The following PDE2A variants were observed in gnomAD, a reference collection of about 807,000 sequenced individuals.
PDE2A encodes phosphodiesterase 2A, also known as cGMP-dependent 3',5'-cyclic phosphodiesterase.
A neutral mutation model predicts 133.6 loss-of-function variants in PDE2A; 53 were observed. That is an observed-to-expected ratio of 0.40 (90% CI 0.32 to 0.50). PDE2A has a LOEUF of 0.50. Ranked by LOEUF, PDE2A falls within the 20% of genes least tolerant of loss-of-function variation. PDE2A has a pLI of 0.73. For missense variants in PDE2A, 796 were observed against 1,232.4 expected (o/e 0.65, Z 5.30); for synonymous variants, 491 against 490.2 (o/e 1.00, Z -0.02).
intron 1 of PDE2A, among the ~76,000 whole-genome samples, chr11:72,655,791 G>A (rs1409739244): frequency 6.6e-6 from 1 of 152,222 alleles, no homozygotes; most frequent in East Asian, 1.9e-4. Flanking sequence ...GAGTGTGTGT[G>A]CCTGTGTGTG....
intron 2 of PDE2A, among the ~76,000 whole-genome samples, chr11:72,637,045 C>T (rs567692237): frequency 7.3e-6 from 1 of 137,582 alleles, no homozygotes; most frequent in East Asian, 1.9e-4. Context: ...GCTCTCCTCC[C>T]TCTGTCTGCC....
intron 2 of PDE2A, chr11:72,631,093 T>C: frequency 6.5e-7 from 1 of 1,546,974 alleles, no homozygotes; most frequent in Non-Finnish European, 8.7e-7. Context: ...GTCGGTCGTC[T>C]CTACTCCCTG....
At chr11:72,616,206 G>A (rs1857463405) in intron 2 of PDE2A, among the ~76,000 whole-genome samples, 1 of 152,218 alleles carries the variant, frequency 6.6e-6, no homozygotes, top group Non-Finnish European at 1.5e-5. Flanking sequence ...GTGGATGGAT[G>A]AATGACGAAT....
Position 72,576,822 on chromosome 11 carries a change from G to A in PDE2A, c.*562C>T. The A allele has an allele frequency of 5.9e-6, 1 of 169,384 alleles. No homozygotes were observed. Among genetic ancestry groups the A allele is most frequent in the East Asian group, 1.9e-4 (1 of 5,170 alleles). The allele number at this position is 169,384 out of a possible 1,614,324, so 10.5% of individuals were successfully genotyped here. On this transcript the variant is annotated 3_prime_UTR_variant, in exon 31 of 31. Transcript: ENST00000334456. ...GCTGCCCCTCTGGCAGCTTCTTCCT[G>A]GGGCCCCTGTATCCCCCAGGTCCCA...
chr11:72,623,781 T>C (rs1254679087), intron 2 of PDE2A, among the ~76,000 whole-genome samples: 2 of 152,138 alleles, frequency 1.3e-5, no homozygotes. Flanking sequence ...AGTTCTGTCA[T>C]TTCTGTTTTC....
intron 23 of PDE2A, among the ~76,000 whole-genome samples, 160 bp from the exon 24 acceptor site, chr11:72,581,133 C>A (rs1478976655): frequency 1.3e-5 from 2 of 152,192 alleles, no homozygotes; most frequent in African/African-American, 4.8e-5. Context: ...GGTTTGGAGC[C>A]CAGCAGACCC....
intron 2 of PDE2A, among the ~76,000 whole-genome samples, chr11:72,625,325 C>T (rs1021375652): frequency 6.6e-6 from 1 of 152,220 alleles, no homozygotes; most frequent in Non-Finnish European, 1.5e-5. Context: ...CTCGCCCCAG[C>T]CCCAGGGTGC....
chr11:72,602,117 A>T (rs1026165707), intron 4 of PDE2A, among the ~76,000 whole-genome samples: 1 of 152,130 alleles, frequency 6.6e-6, no homozygotes, highest in African/African-American at 2.4e-5. Context: ...AGATAATTAC[A>T]ATGGGATTGG....
rs1327168115 is a variant in PDE2A, at chr11:72,577,550, C to T, written c.2660G>A (p.Arg887His). The T allele has an allele frequency of 1.2e-5, 19 of 1,609,190 alleles. No homozygotes were observed. Among genetic ancestry groups the T allele is most frequent in the Admixed American group, 1.7e-5 (1 of 60,010 alleles). ...CCAGTGCTCACGGTTGGAGGCCACG[C>T]GCTCGTACAGCTCTGCCGCTTTGGG... ...LFPKAAELYE[R>H]VASNREHWTK... The change falls in exon 31 of 31, where the codon CGC becomes CAC. Residue 887 changes from arginine (R) to histidine (H), a missense_variant. Physicochemically the swap from Arg to His is conservative, Grantham distance 29. This residue lies in a region of PDE2A where 83 missense variants were observed against 99.0 expected (regional missense o/e 0.84). Coordinates refer to ENST00000334456, the MANE Select transcript of PDE2A (RefSeq NM_002599.5).
intron 1 of PDE2A, among the ~76,000 whole-genome samples, chr11:72,660,701 G>A (rs570592600): frequency 4.6e-5 from 7 of 152,200 alleles, no homozygotes; most frequent in East Asian, 1.9e-4. Context: ...TCCCAAGCAC[G>A]TCCCTCCACT....
At position 72,597,721 on chromosome 11, in the gene PDE2A, G is replaced by GTCCA; in HGVS notation, c.324-103_324-102insTGGA. 1.3e-6 allele frequency: 1 copy of GTCCA among 740,992 alleles called. No individual in the cohort carries two copies. Among genetic ancestry groups the GTCCA allele is most frequent in the Non-Finnish European group, 2.3e-6 (1 of 440,484 alleles). 45.9% of individuals were successfully genotyped at this position (740,992 alleles called of 1,614,324 possible). ...AGTTTGGACCCTGCACATGTGCAAG[G>GTCCA]ATCTGGGCAAGCTGACCTGCCTCAG... On this transcript the variant is annotated intron_variant, in intron 4 of 30. Transcript: ENST00000334456. The surrounding 1 kb of genome is among the most constrained non-coding windows in gnomAD (Gnocchi z 4.6).
chr11:72,656,967 T>A (rs1300323669), intron 1 of PDE2A, among the ~76,000 whole-genome samples: 1 of 152,082 alleles, frequency 6.6e-6, no homozygotes, highest in Non-Finnish European at 1.5e-5. Context: ...TCCCAGTCCT[T>A]CTCGAGCCTC....
At chr11:72,661,086 C>G (rs1217564849) in intron 1 of PDE2A, among the ~76,000 whole-genome samples, 1 of 152,068 alleles carries the variant, frequency 6.6e-6, no homozygotes, top group East Asian at 1.9e-4. Flanking sequence ...AGGAGGATCA[C>G]CTGAGCTCAG....
chr11:72,644,485 C>T (rs944885801), intron 1 of PDE2A, among the ~76,000 whole-genome samples: 7 of 152,216 alleles, frequency 4.6e-5, no homozygotes, highest in African/African-American at 1.7e-4. Flanking sequence ...GTGCACAAGT[C>T]TCTTGGTAAA....
At chr11:72,595,421 G>A (rs1856435108) in intron 6 of PDE2A, among the ~76,000 whole-genome samples, 1 of 152,076 alleles carries the variant, frequency 6.6e-6, no homozygotes, top group Non-Finnish European at 1.5e-5. Flanking sequence ...GAAACCGGGG[G>A]TGGGGGGAGC....
At chr11:72,648,358 TG>T (rs1859186051) in intron 1 of PDE2A, among the ~76,000 whole-genome samples, 1 of 152,176 alleles carries the variant, frequency 6.6e-6, no homozygotes, top group South Asian at 2.1e-4. Flanking sequence ...TGGCTCCAGA[TG>T]TGGGGGTAGC....
intron 23 of PDE2A, among the ~76,000 whole-genome samples, 159 bp from the exon 24 acceptor site, chr11:72,581,132 C>T (rs7108477): frequency 0.98 from 149,139 of 152,262 alleles, 73,107 homozygotes; most frequent in South Asian, 1. Flanking sequence ...TGGTTTGGAG[C>T]CCAGCAGACC....
intron 2 of PDE2A, among the ~76,000 whole-genome samples, chr11:72,611,697 T>A (rs1857219333): frequency 6.6e-6 from 1 of 152,178 alleles, no homozygotes; most frequent in African/African-American, 2.4e-5. Flanking sequence ...TTTGTGGGCA[T>A]CCTTCTGTCA....
At chr11:72,622,758 C>T (rs548699555) in intron 2 of PDE2A, among the ~76,000 whole-genome samples, 1 of 152,140 alleles carries the variant, frequency 6.6e-6, no homozygotes, top group East Asian at 1.9e-4. Context: ...TGAAAGAGTT[C>T]CAGAGATTGG....
Sources: allele counts gnomAD v4.1 joint callset (sites outside exome capture counted in the v4.1 genomes callset), GRCh38; gene constraint gnomAD v4.1.1; regional missense constraint gnomAD v4.1.1; non-coding constraint Gnocchi (gnomAD v3.1); transcripts MANE v1.5; gene names NCBI Gene and HGNC (gene_info 2026-07-23, HGNC 2026-07-21).